The following DPY19L1 variants were observed in gnomAD, a reference collection of about 807,000 sequenced individuals.
The protein encoded by DPY19L1 is dpy-19 like C-mannosyltransferase 1.
Under a neutral mutation model 96.9 loss-of-function variants are expected in DPY19L1, and 35 were observed. The ratio of observed to expected loss-of-function variants is 0.36; its 90% CI spans 0.28 to 0.48. DPY19L1 has a LOEUF of 0.48. DPY19L1 is among the 20% of genes least tolerant of loss of function. The probability of loss-of-function intolerance (pLI) is 0.99; values close to 1 mark genes in which losing one functional copy is unlikely to be tolerated. For synonymous variants in DPY19L1, 205 were observed against 252.6 expected, an observed-to-expected ratio of 0.81 and a Z score of 1.79; for missense variants, 521 against 777.9, an observed-to-expected ratio of 0.67 and a Z score of 3.93.
At chr7:34,937,943 A>C in intron 21 of DPY19L1, 51 bp downstream of exon 21, 1 of 1,588,556 alleles carries the variant, frequency 6.3e-7, no homozygotes, top group Non-Finnish European at 8.6e-7. Context: ...ATGTGCTTGA[A>C]TTAACCTTCA....
At chr7:34,975,682 A>G (rs138234378) in intron 7 of DPY19L1, among the ~76,000 whole-genome samples, 297 of 152,338 alleles carry the variant, frequency 1.9e-3, no homozygotes, top group African/African-American at 6.8e-3. Context: ...GCTGGCTTCA[A>G]AACATCAAAG....
At chr7:34,970,582 T>G (rs4236340) in intron 8 of DPY19L1, among the ~76,000 whole-genome samples, 29,898 of 152,078 alleles carry the variant, frequency 0.2, 3,319 homozygotes, top group Admixed American at 0.36. Flanking sequence ...TTGTTTCTCA[T>G]AGATCATAGT....
In DPY19L1 at chr7:35,010,717, G is replaced by C. The variant is rs566786722; in HGVS notation, c.671-156C>G. Among the ~76,000 whole-genome samples, 6 of 152,266 alleles carry C rather than the reference G, an allele frequency of 3.9e-5. No homozygotes were observed. In the South Asian group the frequency reaches 1.2e-3, roughly 32 times the overall value. ...CACATGAAAACACAACACTACTGCA[G>C]AACATAGATGAGACCAGGGTAATTA... On this transcript the variant is annotated intron_variant, in intron 5 of 21. Transcript: ENST00000638088.
intron 11 of DPY19L1, 104 bp from the exon 12 acceptor site, chr7:34,955,471 T>A: frequency 6.9e-7 from 1 of 1,442,344 alleles, no homozygotes; most frequent in Non-Finnish European, 9.4e-7. Context: ...GTATCTAAAA[T>A]TTAGCACATG....
chr7:34,989,619 T>C (rs1332514890), intron 7 of DPY19L1, among the ~76,000 whole-genome samples: 1 of 135,804 alleles, frequency 7.4e-6, no homozygotes, highest in Non-Finnish European at 1.6e-5. Context: ...AGACACTGCC[T>C]CAAAAACAAA....
chr7:34,979,163 C>T (rs1234143170), intron 7 of DPY19L1, among the ~76,000 whole-genome samples: 5 of 152,072 alleles, frequency 3.3e-5, no homozygotes, highest in African/African-American at 9.7e-5. Context: ...GTTGAAAAAG[C>T]GGTGAGTACA....
chr7:34,960,467 T>A (rs1784479243), intron 10 of DPY19L1, among the ~76,000 whole-genome samples: 2 of 152,166 alleles, frequency 1.3e-5, no homozygotes, highest in African/African-American at 4.8e-5. Context: ...ACAGAAAAAT[T>A]ATATTAAATA....
At chr7:34,984,669 C>T (rs1022398552) in intron 7 of DPY19L1, among the ~76,000 whole-genome samples, 2 of 152,194 alleles carry the variant, frequency 1.3e-5, no homozygotes, top group Non-Finnish European at 2.9e-5. Context: ...GAATAGCCTT[C>T]ATAAAATTAT....
intron 6 of DPY19L1, among the ~76,000 whole-genome samples, chr7:34,992,793 ACT>A (rs1437905606): frequency 2.0e-5 from 3 of 151,178 alleles, no homozygotes; most frequent in East Asian, 3.9e-4. Context: ...TCATTATTAT[ACT>A]CTCTGTAAAA....
chr7:34,963,711 CGTGTGTGTGT>C (rs370121293), intron 10 of DPY19L1, among the ~76,000 whole-genome samples: 1 of 137,200 alleles, frequency 7.3e-6, no homozygotes, highest in Admixed American at 8.0e-5. Context: ...TGTGTGTGTG[CGTGTGTGTGT>C]GTGTCTGTGT....
At chr7:35,029,796 G>T (rs1408641589) in intron 1 of DPY19L1, among the ~76,000 whole-genome samples, 1 of 152,202 alleles carries the variant, frequency 6.6e-6, no homozygotes, top group African/African-American at 2.4e-5. Flanking sequence ...AGGGTCATGG[G>T]ACACATGAGG....
rs186500497 is a variant in DPY19L1, at chr7:34,939,454, T to C, written c.1865-79A>G. 9.9e-5 allele frequency: 126 copies of C among 1,275,978 alleles called. No homozygotes were observed. The African/African-American group carries it at 1.8e-3, about 18-fold the overall frequency. 79.0% of individuals were successfully genotyped at this position (1,275,978 alleles called of 1,614,324 possible). ...TCTCCTTCAAGTGTAAATCAATTAT[T>C]TCACAGGTAACAGAGCGGAAGCCCA... On this transcript the variant is annotated intron_variant, in intron 19 of 21. Transcript: ENST00000638088.
At chr7:35,002,491 T>G (rs1785451395) in intron 6 of DPY19L1, among the ~76,000 whole-genome samples, 1 of 151,778 alleles carries the variant, frequency 6.6e-6, no homozygotes, top group African/African-American at 2.4e-5. Context: ...AAGTTCTGAA[T>G]CAGAAAACAA....
chr7:34,994,588 G>A (rs185000184), intron 6 of DPY19L1, among the ~76,000 whole-genome samples: 5,556 of 152,038 alleles, frequency 0.037, 200 homozygotes, highest in African/African-American at 0.088. Flanking sequence ...GGCGGATCAC[G>A]AGGTCAGGAG....
intron 10 of DPY19L1, among the ~76,000 whole-genome samples, chr7:34,962,699 A>AAAAAC (rs1299546558): frequency 2.6e-5 from 4 of 152,058 alleles, no homozygotes; most frequent in Non-Finnish European, 5.9e-5. Flanking sequence ...CCTGTATCAA[A>AAAAAC]AAAACAAAAC....
At chr7:34,946,871 A>T (rs1584207488) in intron 15 of DPY19L1, among the ~76,000 whole-genome samples, 3 of 152,264 alleles carry the variant, frequency 2.0e-5, no homozygotes, top group African/African-American at 7.2e-5. Flanking sequence ...TTAAATACTC[A>T]TGTGAAAATG....
intron 13 of DPY19L1, among the ~76,000 whole-genome samples, chr7:34,952,396 T>C (rs1024638427): frequency 6.6e-6 from 1 of 152,094 alleles, no homozygotes; most frequent in African/African-American, 2.4e-5. Context: ...GAATTTGTAG[T>C]AAAAAACCTA....
At chr7:35,015,470 C>T (rs553017341) in intron 3 of DPY19L1, among the ~76,000 whole-genome samples, 1 of 152,124 alleles carries the variant, frequency 6.6e-6, no homozygotes, top group Non-Finnish European at 1.5e-5. Context: ...TCTGGTCATC[C>T]TTAGTGCTCA....
At chr7:34,951,504 T>G (rs1784265131) in intron 13 of DPY19L1, among the ~76,000 whole-genome samples, 1 of 151,962 alleles carries the variant, frequency 6.6e-6, no homozygotes, top group Non-Finnish European at 1.5e-5. Context: ...ACTTAACCTT[T>G]TAAAAAATCA....
Sources: gnomAD v4.1 joint callset for allele counts (sites outside exome capture counted in the v4.1 genomes callset) on GRCh38, gnomAD v4.1.1 for gene constraint, MANE v1.5 for transcripts, NCBI Gene and HGNC (gene_info 2026-07-23, HGNC 2026-07-21) for gene names.